The following ZNF215 variants were observed in gnomAD, a reference collection of about 807,000 sequenced individuals.
ZNF215 encodes BWSCR2-associated zinc finger protein 2.
ZNF215 carries 24 observed loss-of-function variants against 27.2 expected under a neutral mutation model. The observed-to-expected ratio is 0.88, with a 90% CI of 0.64 to 1.24. The LOEUF (loss-of-function observed/expected upper bound fraction) is 1.24, where lower values mean the gene tolerates loss of function less well. Among genes scored for constraint, ZNF215 ranks in the 50% most tolerant of loss-of-function variants. ZNF215 has a pLI of 0.00. For synonymous variants in ZNF215, 210 were observed against 204.0 expected, an observed-to-expected ratio of 1.03 and a Z score of -0.25; for missense variants, 675 against 605.7, an observed-to-expected ratio of 1.11 and a Z score of -1.20.
Position 6,955,853 on chromosome 11 carries a change from G to C in ZNF215, c.876G>C (p.Glu292Asp), listed in dbSNP as rs1444594226. The change falls in exon 7 of 7, where the codon GAG (glutamate) becomes GAC (aspartate). Residue 292 changes from glutamate (E) to aspartate (D), a missense_variant. Coordinates refer to ENST00000278319, the MANE Select transcript of ZNF215 (RefSeq NM_013250.4). ...INLPQEAFIP[E>D]TIYTEEEDFE... ...TGCCACAAGAGGCTTTCATTCCTGA[G>C]ACAATTTACACTGAGGAGGAAGATT... is the stretch of plus-strand genomic sequence containing the variant. 6.2e-7 allele frequency: 1 copy of C among 1,613,048 alleles called. No individual in the cohort carries two copies. The highest frequency in any genetic ancestry group is 1.7e-5 in the Admixed American group (1 of 59,776).
intron 6 of ZNF215, among the ~76,000 whole-genome samples, chr11:6,948,586 A>G (rs1418525298): frequency 6.6e-6 from 1 of 152,292 alleles, no homozygotes; most frequent in East Asian, 1.9e-4. Flanking sequence ...CTAGAGGACT[A>G]TGATAGTCAA....
chr11:6,967,626 A>G (rs1850649137), intron 5 of ZNF215, among the ~76,000 whole-genome samples: 1 of 151,430 alleles, frequency 6.6e-6, no homozygotes, highest in Admixed American at 6.6e-5. Context: ...ATCTGTTGAT[A>G]CCCTTTTGTT....
chr11:6,982,231 A>G (rs1308761201), intron 5 of ZNF215, among the ~76,000 whole-genome samples: 1 of 152,074 alleles, frequency 6.6e-6, no homozygotes, highest in Non-Finnish European at 1.5e-5. Flanking sequence ...TATGCACCCA[A>G]TACAGGAGCA....
chr11:6,955,573 C>T (rs1850299881), intron 6 of ZNF215, 117 bp from the exon 7 acceptor site: 2 of 1,104,044 alleles, frequency 1.8e-6, no homozygotes, highest in Admixed American at 5.7e-5. Flanking sequence ...CCTTGCCTCA[C>T]ATTTCCATTC....
chr11:6,937,911 G>C (rs1418969705), intron 3 of ZNF215, among the ~76,000 whole-genome samples: 1 of 151,764 alleles, frequency 6.6e-6, no homozygotes, highest in Non-Finnish European at 1.5e-5. Context: ...AGAAAATATA[G>C]AAATAACTCT....
At chr11:6,973,376 T>C (rs1170234672) in intron 5 of ZNF215, among the ~76,000 whole-genome samples, 3 of 152,212 alleles carry the variant, frequency 2.0e-5, no homozygotes, top group Non-Finnish European at 4.4e-5. Context: ...TGTGTCTTTA[T>C]AGCAGCATGA....
At chr11:6,973,871 T>C (rs1309663214) in intron 5 of ZNF215, among the ~76,000 whole-genome samples, 1 of 152,246 alleles carries the variant, frequency 6.6e-6, no homozygotes, top group Non-Finnish European at 1.5e-5. Flanking sequence ...GTAGTTTCTT[T>C]AGCTGTGCAG....
chr11:6,969,912 CTGGG>C (rs1850689024), intron 5 of ZNF215, among the ~76,000 whole-genome samples: 2 of 152,116 alleles, frequency 1.3e-5, no homozygotes, highest in Admixed American at 1.3e-4. Flanking sequence ...TCCTGGGTAG[CTGGG>C]ATTACAGGCA....
At chr11:6,952,844 A>G (rs1269912131) in intron 6 of ZNF215, among the ~76,000 whole-genome samples, 1 of 151,536 alleles carries the variant, frequency 6.6e-6, no homozygotes, top group African/African-American at 2.4e-5. Context: ...GGTCTTTACA[A>G]TTTGGCATGA....
At chr11:6,951,654 A>G (rs909852261) in intron 6 of ZNF215, among the ~76,000 whole-genome samples, 2 of 152,124 alleles carry the variant, frequency 1.3e-5, no homozygotes, top group Non-Finnish European at 2.9e-5. Flanking sequence ...CTAGTGATCT[A>G]TCAATTTTGT....
At chr11:6,974,523 A>C (rs1850789984) in intron 5 of ZNF215, among the ~76,000 whole-genome samples, 2 of 152,176 alleles carry the variant, frequency 1.3e-5, no homozygotes, top group South Asian at 4.1e-4. Flanking sequence ...CTTCCTATCC[A>C]TGAGCATGGA....
intron 3 of ZNF215, among the ~76,000 whole-genome samples, chr11:6,937,696 A>G (rs1333073108): frequency 1.3e-5 from 2 of 151,968 alleles, no homozygotes; most frequent in Non-Finnish European, 2.9e-5. Context: ...AAATAAACTC[A>G]TACATCTATG....
chr11:6,941,611 C>T lies in ZNF215; in HGVS notation c.441C>T (p.Ile147=), dbSNP rs1451341465. 6.2e-7 allele frequency: 1 copy of T among 1,614,092 alleles called. No homozygotes were observed. Among genetic ancestry groups the T allele is most frequent in the East Asian group, 2.2e-5 (1 of 44,860 alleles). ...CKDSALQMGS[I]KEKMKAGSRT... is the part of the protein sequence containing the mutation. Reference sequence around the variant, plus strand: ...ACTCTGCCCTGCAGATGGGGAGCATCAAGGAGAAAATGAAAGCTGGCTCAC... The same window carrying T: ...ACTCTGCCCTGCAGATGGGGAGCATTAAGGAGAAAATGAAAGCTGGCTCAC... The change falls in exon 4 of 7, where the codon ATC becomes ATT. Residue 147 remains isoleucine, a synonymous_variant. Coordinates refer to ENST00000278319, the MANE Select transcript of ZNF215 (RefSeq NM_013250.4).
At chr11:6,963,723 A>G (rs1217232372) in intron 5 of ZNF215, among the ~76,000 whole-genome samples, 1 of 152,130 alleles carries the variant, frequency 6.6e-6, no homozygotes, top group Admixed American at 6.6e-5. Flanking sequence ...ATTTTACAAA[A>G]TGACTGTATC....
rs767550352 is a variant in ZNF215, at chr11:6,943,125, G to A, written c.526G>A (p.Glu176Lys). 9 of 1,613,992 alleles carry A rather than the reference G, an allele frequency of 5.6e-6. No homozygotes were observed. The highest frequency in any genetic ancestry group is 6.8e-6 in the Non-Finnish European group (8 of 1,179,954). Residue 176 changes from glutamate (E) to lysine (K), a missense_variant, in exon 5 of 7, where the codon GAA becomes AAA. Coordinates refer to ENST00000278319, the MANE Select transcript of ZNF215 (RefSeq NM_013250.4). ...FKDVVVEFSK[E>K]EWGQLDSAVK... The stretch of plus-strand genomic sequence containing the variant: ...AGATGTGGTTGTGGAATTCAGCAAG[G>A]AAGAGTGGGGGCAACTGGACTCTGC...
In ZNF215 at chr11:6,943,546, C is replaced by T; in HGVS notation, c.617C>T (p.Ala206Val). The T allele has an allele frequency of 3.1e-6, 5 of 1,612,688 alleles. No homozygotes were observed. The highest frequency in any genetic ancestry group is 4.2e-6 in the Non-Finnish European group (5 of 1,179,142). The change falls in exon 6 of 7, where the codon GCA becomes GTA. Residue 206 changes from alanine to valine, a missense_variant and splice_region_variant. Coordinates refer to ENST00000278319, the MANE Select transcript of ZNF215 (RefSeq NM_013250.4). The stretch of plus-strand genomic sequence containing the variant: ...TTCTTTTTATTTTCTCCATGAACAG[C>T]ACATCTACTTTCCAAACCATTTGAG... ...NFRNLNSLRK[A>V]HLLSKPFESL...
chr11:6,986,064 C>G (rs796299384), downstream of ZNF215, among the ~76,000 whole-genome samples: 3 of 152,090 alleles, frequency 2.0e-5, no homozygotes, highest in African/African-American at 7.2e-5. Flanking sequence ...TCTCGAATAT[C>G]CAAAGCAATC....
At chr11:6,963,524 C>G (rs999081432) in intron 5 of ZNF215, among the ~76,000 whole-genome samples, 1 of 151,970 alleles carries the variant, frequency 6.6e-6, no homozygotes, top group Non-Finnish European at 1.5e-5. Context: ...ATAGGAATAA[C>G]TCATTCATTC....
intron 2 of ZNF215, among the ~76,000 whole-genome samples, chr11:6,931,525 G>T (rs1849259968): frequency 6.6e-6 from 1 of 150,934 alleles, no homozygotes; most frequent in East Asian, 1.9e-4. Context: ...GGTGGGCATT[G>T]CGTAATTCTC....
Sources: gnomAD v4.1 joint callset for allele counts (sites outside exome capture counted in the v4.1 genomes callset) on GRCh38, gnomAD v4.1.1 for gene constraint, MANE v1.5 for transcripts, NCBI Gene and HGNC (gene_info 2026-07-23, HGNC 2026-07-21) for gene names.